ADK: variants seen among roughly 807,000 people sequenced by gnomAD.
ADK encodes N6,N6-dimethyladenosine kinase.
In ADK, 24 loss-of-function variants were observed where a neutral mutation model predicts 44.7. The observed-to-expected ratio is 0.54, with a 90% CI of 0.39 to 0.76. The LOEUF is 0.76. ADK is among the 30% of genes least tolerant of loss of function. The probability of loss-of-function intolerance (pLI) is 0.00; values close to 1 mark genes in which losing one functional copy is unlikely to be tolerated. For missense variants in ADK, 321 were observed against 425.1 expected (o/e 0.76, Z 2.15); for synonymous variants, 128 against 142.6 (o/e 0.90, Z 0.73).
chr10:74,319,320 C>G (rs1044461611), intron 4 of ADK, among the ~76,000 whole-genome samples: 36 of 152,124 alleles, frequency 2.4e-4, no homozygotes, highest in African/African-American at 7.5e-4. Flanking sequence ...GTTGGAGTCC[C>G]AGATCAAAGT....
chr10:74,535,215 C>T (rs1849410271), intron 7 of ADK, among the ~76,000 whole-genome samples: 1 of 152,140 alleles, frequency 6.6e-6, no homozygotes, highest in African/African-American at 2.4e-5. Flanking sequence ...AATCCTAGCA[C>T]TTTGGGAGGT....
chr10:74,538,078 G>A (rs1849513919), intron 7 of ADK, among the ~76,000 whole-genome samples: 1 of 152,098 alleles, frequency 6.6e-6, no homozygotes, highest in Non-Finnish European at 1.5e-5. Flanking sequence ...CCAACATGGT[G>A]AAACCCCATC....
At chr10:74,503,861 T>A (rs1847958628) in intron 6 of ADK, among the ~76,000 whole-genome samples, 1 of 152,200 alleles carries the variant, frequency 6.6e-6, no homozygotes, top group Non-Finnish European at 1.5e-5. Flanking sequence ...CGCCATATTT[T>A]ATCTCCAGGG....
At chr10:74,171,810 C>CTCTGTGTGTGTG (rs1554825180) in intron 1 of ADK, among the ~76,000 whole-genome samples, 113 of 144,086 alleles carry the variant, frequency 7.8e-4, no homozygotes, top group African/African-American at 2.8e-3. Context: ...CTCTGTCTCT[C>CTCTGTGTGTGTG]TGTGTGTGTG....
At chr10:74,356,002 A>ATATTGGTTTTTTTTTTTTTTT (rs57958159) in intron 4 of ADK, among the ~76,000 whole-genome samples, 1 of 83,306 alleles carries the variant, frequency 1.2e-5, no homozygotes, top group South Asian at 4.6e-4. Flanking sequence ...TAAATAATTC[A>ATATTGGTTTTTTTTTTTTTTT]TTTTTTTTTT....
chr10:74,664,718 C>G (rs1006470474), intron 9 of ADK, among the ~76,000 whole-genome samples: 1 of 152,104 alleles, frequency 6.6e-6, no homozygotes, highest in Non-Finnish European at 1.5e-5. Flanking sequence ...TGGTACACAC[C>G]TGTAGTCCCA....
chr10:74,561,445 A>G (rs929544815), intron 7 of ADK, among the ~76,000 whole-genome samples: 15 of 152,336 alleles, frequency 9.8e-5, no homozygotes, highest in African/African-American at 3.4e-4. Context: ...GAAGAATATG[A>G]ATCAAGGGAT....
chr10:74,566,396 A>G (rs776459876), intron 7 of ADK, among the ~76,000 whole-genome samples: 3 of 151,886 alleles, frequency 2.0e-5, no homozygotes, highest in Non-Finnish European at 4.4e-5. Context: ...TTGTAGAGAC[A>G]GGGTCTCACT....
intron 1 of ADK, among the ~76,000 whole-genome samples, chr10:74,175,632 A>G (rs1166476739): frequency 6.6e-6 from 1 of 152,144 alleles, no homozygotes. Context: ...TAGTCTATTA[A>G]TAACATTGTA....
intron 7 of ADK, among the ~76,000 whole-genome samples, chr10:74,569,537 G>A (rs1850849005): frequency 6.6e-6 from 1 of 152,164 alleles, no homozygotes; most frequent in Non-Finnish European, 1.5e-5. Flanking sequence ...ATGATGATGA[G>A]CATTTTTTCA....
intron 1 of ADK, chr10:74,176,721 C>T: frequency 1.3e-6 from 2 of 1,487,740 alleles, no homozygotes; most frequent in Non-Finnish European, 8.9e-7. Flanking sequence ...GGCCGGCTAG[C>T]CAGGGGCCGC....
At chr10:74,217,317 AG>A (rs1844086658) in intron 2 of ADK, among the ~76,000 whole-genome samples, 1 of 152,196 alleles carries the variant, frequency 6.6e-6, no homozygotes, top group African/African-American at 2.4e-5. Context: ...AGGCTGGGAG[AG>A]GGGCGCCCGC....
At chr10:74,460,740 T>A (rs1009018141) in intron 6 of ADK, among the ~76,000 whole-genome samples, 3 of 152,192 alleles carry the variant, frequency 2.0e-5, no homozygotes, top group Non-Finnish European at 4.4e-5. Context: ...GTTGTTTTTG[T>A]TTGTGTCCTC....
At chr10:74,214,864 T>C (rs781485964) in intron 2 of ADK, among the ~76,000 whole-genome samples, 1 of 152,262 alleles carries the variant, frequency 6.6e-6, no homozygotes, top group Non-Finnish European at 1.5e-5. Flanking sequence ...TTTTGTGTAA[T>C]GTTATTTGAT....
intron 3 of ADK, among the ~76,000 whole-genome samples, chr10:74,306,251 T>A (rs1840245353): frequency 1.3e-5 from 2 of 152,120 alleles, no homozygotes; most frequent in South Asian, 4.1e-4. Context: ...TCTAGTTAGT[T>A]TTAAATTTCT....
intron 4 of ADK, among the ~76,000 whole-genome samples, chr10:74,334,904 A>G (rs1014360903): frequency 3.9e-5 from 6 of 152,012 alleles, no homozygotes; most frequent in African/African-American, 1.4e-4. Flanking sequence ...AGGCCTCTTT[A>G]TGTGGGGCTT....
At chr10:74,540,293 C>T (rs532889842) in intron 7 of ADK, among the ~76,000 whole-genome samples, 1 of 152,050 alleles carries the variant, frequency 6.6e-6, no homozygotes, top group African/African-American at 2.4e-5. Flanking sequence ...ATATTTTATG[C>T]AGTAATGCCT....
intron 3 of ADK, among the ~76,000 whole-genome samples, chr10:74,241,246 G>C (rs1260680268): frequency 6.6e-6 from 1 of 152,176 alleles, no homozygotes; most frequent in African/African-American, 2.4e-5. Context: ...TTCATTCACA[G>C]CAAAATTGAG....
chr10:74,368,410 T>C (rs1428398833), intron 4 of ADK, among the ~76,000 whole-genome samples: 1 of 152,110 alleles, frequency 6.6e-6, no homozygotes, highest in Non-Finnish European at 1.5e-5. Context: ...TGCCCAGCTA[T>C]AGTTAACCTT....
Sources: gnomAD v4.1 joint callset for allele counts (sites outside exome capture counted in the v4.1 genomes callset) on GRCh38, gnomAD v4.1.1 for gene constraint, MANE v1.5 for transcripts, NCBI Gene and HGNC (gene_info 2026-07-23, HGNC 2026-07-21) for gene names.